MTUS2: variants seen among roughly 807,000 people sequenced by gnomAD.
MTUS2 encodes the protein microtubule associated scaffold protein 2.
A neutral mutation model predicts 114.1 loss-of-function variants in MTUS2; 40 were observed. The ratio of observed to expected loss-of-function variants is 0.35; its 90% confidence interval spans 0.27 to 0.46. MTUS2 has a LOEUF of 0.46. Ranked by LOEUF, MTUS2 falls within the 20% of genes least tolerant of loss-of-function variation. The pLI, the probability that MTUS2 is intolerant of heterozygous loss-of-function variation, is 1.00. For synonymous variants in MTUS2, 688 were observed against 672.0 expected (o/e 1.02, Z -0.37); for missense variants, 1,679 against 1,705.4 (o/e 0.98, Z 0.27).
chr13:29,042,400 T>C (rs560895215), intron 4 of MTUS2, among the ~76,000 whole-genome samples: 14 of 152,162 alleles, frequency 9.2e-5, no homozygotes, highest in Non-Finnish European at 1.8e-4. Flanking sequence ...GTATCTACGT[T>C]CATCAGGGAG....
chr13:29,121,492 G>A (rs1014915299), intron 5 of MTUS2, among the ~76,000 whole-genome samples: 18 of 152,032 alleles, frequency 1.2e-4, no homozygotes, highest in Admixed American at 1.0e-3. Context: ...CACAGGCAGT[G>A]TCATGTAGAT....
intron 7 of MTUS2, among the ~76,000 whole-genome samples, chr13:29,340,180 C>T (rs1313459759): frequency 6.6e-6 from 1 of 152,198 alleles, no homozygotes; most frequent in Non-Finnish European, 1.5e-5. Context: ...GGGCAGCACC[C>T]AGATGATCTG....
intron 4 of MTUS2, among the ~76,000 whole-genome samples, chr13:29,039,470 G>T (rs1566316250): frequency 3.3e-5 from 5 of 152,220 alleles, no homozygotes. Context: ...ACAGGGCGCA[G>T]CTGCAGCGGG....
chr13:28,928,723 T>C (rs1009618715), intron 2 of MTUS2, among the ~76,000 whole-genome samples: 1 of 152,158 alleles, frequency 6.6e-6, no homozygotes, highest in Non-Finnish European at 1.5e-5. Flanking sequence ...GCAATTCCAC[T>C]CCTGGGTATA....
chr13:29,137,102 G>GT (rs892566483), intron 5 of MTUS2, among the ~76,000 whole-genome samples: 14 of 152,180 alleles, frequency 9.2e-5, no homozygotes, highest in African/African-American at 2.9e-4. Flanking sequence ...AAAACATTTT[G>GT]TTTTTTTCTG....
At chr13:29,199,662 G>T (rs1183543532) in intron 5 of MTUS2, among the ~76,000 whole-genome samples, 2 of 151,906 alleles carry the variant, frequency 1.3e-5, no homozygotes, top group African/African-American at 4.8e-5. Flanking sequence ...TTTTTTTGTT[G>T]TGTCTCTGCC....
intron 5 of MTUS2, among the ~76,000 whole-genome samples, chr13:29,209,938 G>C (rs1054854571): frequency 6.6e-6 from 1 of 152,040 alleles, no homozygotes; most frequent in Non-Finnish European, 1.5e-5. Context: ...AAATTTCGCG[G>C]GTGTTCTTTG....
intron 4 of MTUS2, among the ~76,000 whole-genome samples, chr13:29,053,656 G>A (rs943470175): frequency 2.6e-5 from 4 of 152,042 alleles, no homozygotes; most frequent in African/African-American, 9.7e-5. Context: ...TGTATAAATG[G>A]GATCATACAG....
chr13:29,064,238 C>T (rs1390811776), intron 4 of MTUS2, among the ~76,000 whole-genome samples: 3 of 152,032 alleles, frequency 2.0e-5, no homozygotes, highest in Non-Finnish European at 4.4e-5. Flanking sequence ...AGGAACATGG[C>T]AGAGGCATGG....
chr13:28,945,125 A>G (rs1192469542), intron 2 of MTUS2, among the ~76,000 whole-genome samples: 1 of 152,000 alleles, frequency 6.6e-6, no homozygotes, highest in Non-Finnish European at 1.5e-5. Flanking sequence ...TTCCAGTTCC[A>G]TCCATGTTGT....
At chr13:29,037,967 A>G (rs1887160501) in intron 4 of MTUS2, among the ~76,000 whole-genome samples, 1 of 152,140 alleles carries the variant, frequency 6.6e-6, no homozygotes, top group Non-Finnish European at 1.5e-5. Context: ...ATGCTCCTTT[A>G]GCTCAGAAGA....
chr13:29,181,919 T>A (rs1894023479), intron 5 of MTUS2, among the ~76,000 whole-genome samples: 1 of 152,058 alleles, frequency 6.6e-6, no homozygotes, highest in Non-Finnish European at 1.5e-5. Context: ...GGTTAAATAT[T>A]CCTAAGAAAG....
chr13:29,390,829 C>T (rs532878872), intron 8 of MTUS2, among the ~76,000 whole-genome samples: 1 of 151,914 alleles, frequency 6.6e-6, no homozygotes, highest in South Asian at 2.1e-4. Context: ...GTCACCCAGG[C>T]TGGAGTGCAG....
At chr13:29,002,207 G>A (rs892220528) in intron 2 of MTUS2, among the ~76,000 whole-genome samples, 6 of 152,188 alleles carry the variant, frequency 3.9e-5, no homozygotes, top group Non-Finnish European at 7.3e-5. Context: ...GGGGCTTAGG[G>A]AGAGCCTACC....
At chr13:28,930,294 C>T (rs1001701613) in intron 2 of MTUS2, among the ~76,000 whole-genome samples, 5 of 152,196 alleles carry the variant, frequency 3.3e-5, no homozygotes, top group Non-Finnish European at 5.9e-5. Context: ...TCGGCAGCCT[C>T]GAGGCAGCTC....
chr13:29,031,321 A>G lies in MTUS2; in HGVS notation c.2206-2564A>G, dbSNP rs940365754. Among the ~76,000 whole-genome samples the G allele has an allele frequency of 3.4e-5, 5 of 147,798 alleles. No homozygotes were observed. The East Asian group carries it at 7.9e-4, about 23-fold the overall frequency. On this transcript the variant is annotated intron_variant, in intron 3 of 15. Coordinates refer to ENST00000612955, the MANE Select transcript of MTUS2 (RefSeq NM_001033602.4). ...TCTATACTTATGTCTCTCAATATAT[A>G]TTATCTATATATGTTTCAATATATA...
intron 2 of MTUS2, among the ~76,000 whole-genome samples, chr13:28,868,293 A>G (rs1877419561): frequency 6.6e-6 from 1 of 152,152 alleles, no homozygotes; most frequent in African/African-American, 2.4e-5. Flanking sequence ...CTTGCCTTGG[A>G]ACCTTTATTT....
Position 29,090,287 on chromosome 13 carries a change from G to A in MTUS2, c.2447-10486G>A, listed in dbSNP as rs554350484. ...TTTGTTCTCTGGCCCCTTGAGGTCA[G>A]GCATCTCCTGTGCTGGAAGAGCCGA... is the stretch of plus-strand genomic sequence containing the variant. On this transcript the variant is annotated intron_variant, in intron 4 of 15. Transcript: ENST00000612955. Among the ~76,000 whole-genome samples, 34 of 152,310 alleles carry A rather than the reference G, an allele frequency of 2.2e-4. No homozygotes were observed. The South Asian group carries it at 5.8e-3, about 26-fold the overall frequency.
intron 9 of MTUS2, among the ~76,000 whole-genome samples, chr13:29,458,197 A>G (rs976161976): frequency 9.9e-5 from 15 of 152,130 alleles, no homozygotes; most frequent in Admixed American, 6.5e-4. Context: ...TGCTTGCCAC[A>G]TGTCCCACCT....
Sources: allele counts gnomAD v4.1 joint callset (sites outside exome capture counted in the v4.1 genomes callset), GRCh38; gene constraint gnomAD v4.1.1; transcripts MANE v1.5; gene names NCBI Gene and HGNC (gene_info 2026-07-23, HGNC 2026-07-21).